PRKN: variants seen among roughly 807,000 people sequenced by gnomAD.
PRKN encodes the protein E3 ubiquitin-protein ligase parkin.
PRKN carries 56 observed loss-of-function variants against 59.5 expected under a neutral mutation model. The observed-to-expected ratio is 0.94, with a 90% CI of 0.76 to 1.18. The LOEUF (loss-of-function observed/expected upper bound fraction) is 1.18, where lower values mean the gene tolerates loss of function less well. Ranked by LOEUF, PRKN falls within the 50% of genes most tolerant of loss-of-function variation. The probability of loss-of-function intolerance (pLI) is 0.00; values close to 1 mark genes in which losing one functional copy is unlikely to be tolerated. For synonymous variants in PRKN, 250 were observed against 222.1 expected (o/e 1.13, Z -1.12); for missense variants, 657 against 596.4 (o/e 1.10, Z -1.06).
chr6:161,830,649 A>G (rs559016864), intron 6 of PRKN, among the ~76,000 whole-genome samples: 1 of 152,342 alleles, frequency 6.6e-6, no homozygotes, highest in African/African-American at 2.4e-5. Flanking sequence ...AAATTGAAAC[A>G]TAAAAATTGT....
At chr6:161,614,065 C>T (rs1782598965) in intron 7 of PRKN, among the ~76,000 whole-genome samples, 1 of 152,178 alleles carries the variant, frequency 6.6e-6, no homozygotes, top group Non-Finnish European at 1.5e-5. Context: ...TACTCCCTGC[C>T]TGCTTCACAG....
chr6:162,414,576 T>A (rs1788518400), intron 2 of PRKN, among the ~76,000 whole-genome samples: 1 of 150,928 alleles, frequency 6.6e-6, no homozygotes, highest in South Asian at 2.1e-4. Context: ...CCGCGCATGG[T>A]TGGTGGTGCC....
rs572813723 is a variant in PRKN at position 162,552,339 on chromosome 6, A to C, written c.8-108866T>G. On this transcript the variant is annotated intron_variant, in intron 1 of 11. Transcript: ENST00000366898. Reference sequence around the variant, plus strand: ...GAAGGGACCGATCTACGTTTTAATAAGAGTACCTTGAACACTGTATGAGCG... The same window carrying C: ...GAAGGGACCGATCTACGTTTTAATACGAGTACCTTGAACACTGTATGAGCG... Among the ~76,000 whole-genome samples the C allele has an allele frequency of 3.3e-5, 5 of 152,296 alleles. No individual in the cohort carries two copies. In the East Asian group the frequency reaches 7.7e-4, roughly 24 times the overall value.
intron 5 of PRKN, among the ~76,000 whole-genome samples, chr6:162,012,214 A>G (rs1406278945): frequency 1.3e-5 from 2 of 152,090 alleles, no homozygotes; most frequent in African/African-American, 4.8e-5. Context: ...ACAACTTCAG[A>G]TATATAGAAC....
intron 9 of PRKN, among the ~76,000 whole-genome samples, chr6:161,392,139 G>A (rs763026654): frequency 2.7e-4 from 41 of 151,826 alleles, no homozygotes; most frequent in Non-Finnish European, 4.0e-4. Flanking sequence ...GGGTTTCACC[G>A]TCTTGGCCAA....
intron 6 of PRKN, among the ~76,000 whole-genome samples, chr6:161,885,557 C>T (rs1347754038): frequency 1.5e-4 from 22 of 151,056 alleles, no homozygotes; most frequent in African/African-American, 3.2e-4. Flanking sequence ...CCCAGCTGCT[C>T]GGGAGGCTGA....
intron 1 of PRKN, among the ~76,000 whole-genome samples, chr6:162,597,564 T>TA (rs1781539692): frequency 6.6e-6 from 1 of 152,238 alleles, no homozygotes; most frequent in Non-Finnish European, 1.5e-5. Flanking sequence ...ATTTTGCTTG[T>TA]AATACAGTAA....
intron 1 of PRKN, among the ~76,000 whole-genome samples, chr6:162,482,325 T>A (rs1316187238): frequency 5.3e-5 from 8 of 152,190 alleles, no homozygotes. Context: ...TTGTGCAGTA[T>A]TCCAACCAAT....
At chr6:162,381,433 G>A (rs1195590060) in intron 2 of PRKN, among the ~76,000 whole-genome samples, 1 of 152,054 alleles carries the variant, frequency 6.6e-6, no homozygotes, top group Admixed American at 6.6e-5. Flanking sequence ...TCCTCTCTAA[G>A]TGATACTTTT....
chr6:162,086,110 C>T (rs1481460655), intron 4 of PRKN, among the ~76,000 whole-genome samples: 1 of 152,072 alleles, frequency 6.6e-6, no homozygotes, highest in East Asian at 1.9e-4. Context: ...TGTACTAATG[C>T]CCTTTTCTTT....
intron 4 of PRKN, among the ~76,000 whole-genome samples, chr6:162,131,127 ACAGCCTTGGT>A (rs1350490511): frequency 6.6e-6 from 1 of 152,160 alleles, no homozygotes; most frequent in Non-Finnish European, 1.5e-5. Flanking sequence ...CACCACCATG[ACAGCCTTGGT>A]CATGAACTAC....
In PRKN at chr6:162,056,107, C is replaced by T. The variant is rs1055628470; in HGVS notation, c.535-1933G>A. 6.6e-6 allele frequency among the ~76,000 whole-genome samples: 1 copy of T among 151,280 alleles called. No individual in the cohort carries two copies. On this transcript the variant is annotated intron_variant, in intron 4 of 11. Coordinates refer to ENST00000366898, the MANE Select transcript of PRKN (RefSeq NM_004562.3). The surrounding 1 kb of genome is among the most constrained non-coding windows in gnomAD (Gnocchi z 4.9). The stretch of plus-strand genomic sequence containing the variant: ...CCACACACCTCACACACCCCACACA[C>T]ATATACCCACATGCATGCACGCACA...
intron 4 of PRKN, among the ~76,000 whole-genome samples, chr6:162,163,827 C>T (rs961761996): frequency 1.4e-5 from 2 of 147,400 alleles, no homozygotes; most frequent in Non-Finnish European, 1.5e-5. Context: ...GCCCAGCGCA[C>T]GTCTCCTCCT....
At chr6:161,755,004 G>A (rs1016650624) in intron 7 of PRKN, among the ~76,000 whole-genome samples, 2 of 152,184 alleles carry the variant, frequency 1.3e-5, no homozygotes, top group African/African-American at 4.8e-5. Flanking sequence ...TGACCTACCA[G>A]GGAAAGTGCT....
At chr6:162,569,868 G>A in intron 1 of PRKN, 1 of 353,424 alleles carries the variant, frequency 2.8e-6, no homozygotes, top group Non-Finnish European at 5.3e-6. Context: ...CCACGGGGGA[G>A]TTTACTGCCT....
intron 4 of PRKN, among the ~76,000 whole-genome samples, chr6:162,093,638 A>G (rs1779604575): frequency 6.6e-6 from 1 of 152,192 alleles, no homozygotes; most frequent in Non-Finnish European, 1.5e-5. Context: ...TGCGTGGGGT[A>G]GCTGTGCTCT....
At chr6:162,675,482 A>C (rs1779509476) in intron 1 of PRKN, among the ~76,000 whole-genome samples, 1 of 152,180 alleles carries the variant, frequency 6.6e-6, no homozygotes, top group African/African-American at 2.4e-5. Context: ...ATGACAGGCA[A>C]ATTTACAACA....
chr6:162,244,884 A>T lies in PRKN; in HGVS notation c.412+17641T>A, dbSNP rs1359655193. ...CTATGACAGTTTGGCCAACAATTTC[A>T]TCTTTACTCTCAGTTCTCCATAAAA... On this transcript the variant is annotated intron_variant, in intron 3 of 11. Transcript: ENST00000366898. Among the ~76,000 whole-genome samples the T allele has an allele frequency of 2.6e-5, 4 of 152,180 alleles. No individual in the cohort carries two copies. The East Asian group carries it at 7.7e-4, about 29-fold the overall frequency.
At chr6:162,047,575 A>T (rs1432122680) in intron 5 of PRKN, among the ~76,000 whole-genome samples, 1 of 152,144 alleles carries the variant, frequency 6.6e-6, no homozygotes, top group Non-Finnish European at 1.5e-5. Flanking sequence ...TACAGTTCAC[A>T]CATGAAACCA....
Sources: allele counts gnomAD v4.1 joint callset (sites outside exome capture counted in the v4.1 genomes callset), GRCh38; gene constraint gnomAD v4.1.1; non-coding constraint Gnocchi (gnomAD v3.1); transcripts MANE v1.5; gene names NCBI Gene and HGNC (gene_info 2026-07-23, HGNC 2026-07-21).